Variants in CDA observed in about 807,000 individuals in gnomAD.
CDA encodes the protein cytidine aminohydrolase.
In CDA, 7 loss-of-function variants were observed where a neutral mutation model predicts 15.0. That is an observed-to-expected ratio of 0.47 (90% CI 0.26 to 0.87). The LOEUF (loss-of-function observed/expected upper bound fraction) is 0.87. Ranked by LOEUF, CDA falls within the 40% of genes least tolerant of loss-of-function variation. The pLI is 0.15. For missense variants in CDA, 159 were observed against 182.7 expected (o/e 0.87, Z 0.75); for synonymous variants, 58 against 73.0 (o/e 0.79, Z 1.05).
At chr1:20,590,562 C>T (rs1419557185) in intron 1 of CDA, among the ~76,000 whole-genome samples, 4 of 152,146 alleles carry the variant, frequency 2.6e-5, no homozygotes, top group Non-Finnish European at 5.9e-5. Context: ...TTCCAGATGG[C>T]ACAGAAAGGG....
intron 3 of CDA, among the ~76,000 whole-genome samples, chr1:20,615,551 C>T (rs1395840236): frequency 2.0e-5 from 3 of 151,328 alleles, no homozygotes; most frequent in African/African-American, 7.3e-5. Context: ...TTAATCCAGG[C>T]TCAGGGGAAG....
At chr1:20,617,199 C>T (rs1166984767) in intron 3 of CDA, among the ~76,000 whole-genome samples, 1 of 152,180 alleles carries the variant, frequency 6.6e-6, no homozygotes, top group Non-Finnish European at 1.5e-5. Flanking sequence ...TTATCATTTT[C>T]CCAAGGTCAC....
In CDA at chr1:20,589,151, T is replaced by C. The variant is rs771435542; in HGVS notation, c.22T>C (p.Cys8Arg). 1.9e-5 allele frequency: 30 copies of C among 1,614,050 alleles called. No homozygotes were observed. The highest frequency in any genetic ancestry group is 2.5e-5 in the Non-Finnish European group (30 of 1,180,050). The change falls in exon 1 of 4, where the codon TGC (cysteine) becomes CGC (arginine). Residue 8 changes from cysteine to arginine, a missense_variant. Cys to Arg is a radical substitution (Grantham distance 180). Transcript: ENST00000375071. MAQKRPA[C>R]TLKPECVQQL... ...CAACATGGCCCAGAAGCGTCCTGCC[T>C]GCACCCTGAAGCCTGAGTGTGTCCA...
intron 1 of CDA, among the ~76,000 whole-genome samples, chr1:20,596,756 C>CTTTT (rs61288769): frequency 5.9e-5 from 6 of 101,122 alleles, no homozygotes; most frequent in African/African-American, 7.4e-5. Flanking sequence ...CTGTTGATGT[C>CTTTT]TTTTTTTTTT....
At chr1:20,594,118 A>C (rs2052571382) in intron 1 of CDA, among the ~76,000 whole-genome samples, 2 of 152,222 alleles carry the variant, frequency 1.3e-5, no homozygotes, top group Non-Finnish European at 2.9e-5. Context: ...CCAGCTAAAC[A>C]CAAGACCGGC....
intron 2 of CDA, among the ~76,000 whole-genome samples, chr1:20,605,673 A>ATT (rs1212197999): frequency 9.0e-5 from 10 of 111,274 alleles, no homozygotes; most frequent in African/African-American, 3.2e-4. Context: ...AAAAAAAAAA[A>ATT]TTTTTTTTTG....
rs143851445 is a variant in CDA, at chr1:20,598,576, G to A, written c.155-6352G>A. On this transcript the variant is annotated intron_variant, in intron 1 of 3. Coordinates refer to ENST00000375071, the MANE Select transcript of CDA (RefSeq NM_001785.3). ...ACATTTATTTCTCACAGTTCTGGAG[G>A]CTGGGAAGTCCAAGATTCAGTTCTT... Among the ~76,000 whole-genome samples, 4 of 152,358 alleles carry A rather than the reference G, an allele frequency of 2.6e-5. No homozygotes were observed. The East Asian group carries it at 7.7e-4, about 29-fold the overall frequency.
intron 1 of CDA, among the ~76,000 whole-genome samples, chr1:20,602,463 G>A (rs142370511): frequency 0.024 from 3,583 of 151,556 alleles, 142 homozygotes; most frequent in African/African-American, 0.082. Context: ...TCACTCTGTC[G>A]CCCAGGCTGG....
intron 1 of CDA, among the ~76,000 whole-genome samples, chr1:20,589,674 A>G (rs919000099): frequency 6.6e-6 from 1 of 152,166 alleles, no homozygotes; most frequent in Non-Finnish European, 1.5e-5. Flanking sequence ...CACTGACCTA[A>G]GTGTTAATGC....
intron 3 of CDA, among the ~76,000 whole-genome samples, chr1:20,616,127 G>A (rs1231346235): frequency 2.6e-5 from 4 of 152,164 alleles, no homozygotes; most frequent in Non-Finnish European, 5.9e-5. Context: ...TTACTGAAGG[G>A]CCCCCTGCCA....
chr1:20,605,192 G>C (rs1370359940), intron 2 of CDA, among the ~76,000 whole-genome samples, 153 bp downstream of exon 2: 1 of 152,144 alleles, frequency 6.6e-6, no homozygotes, highest in African/African-American at 2.4e-5. Context: ...GATGAGTGCT[G>C]AGGATAAGGA....
At chr1:20,609,163 T>C (rs181436122) in intron 2 of CDA, among the ~76,000 whole-genome samples, 1 of 152,212 alleles carries the variant, frequency 6.6e-6, no homozygotes, top group African/African-American at 2.4e-5. Flanking sequence ...GAGCTAGCCA[T>C]TGGGTAGTGG....
At chr1:20,602,533 T>A (rs2052654403) in intron 1 of CDA, among the ~76,000 whole-genome samples, 1 of 152,240 alleles carries the variant, frequency 6.6e-6, no homozygotes, top group South Asian at 2.1e-4. Flanking sequence ...AAGCAATTCT[T>A]CTGCCTCAGA....
chr1:20,602,671 T>C (rs546692), intron 1 of CDA, among the ~76,000 whole-genome samples: 53,945 of 151,980 alleles, frequency 0.35, 9,896 homozygotes, highest in Middle Eastern at 0.46. Context: ...CCGCCCGCTT[T>C]GGCCTCCCAA....
Position 20,613,877 on chromosome 1 carries a change from C to A in CDA, c.302C>A (p.Ala101Asp). Residue 101 changes from alanine to aspartate, a missense_variant, in exon 3 of 4, where the codon GCC (alanine) becomes GAC (aspartate). Physicochemically the swap from Ala to Asp is moderately radical, Grantham distance 126. Transcript: ENST00000375071. ...MQDDFISPCG[A>D]CRQVMREFGT... ...GATGATTTTATCTCTCCATGTGGGGCCTGCAGGCAAGTCATGAGAGAGGTA... is the reference window on the plus strand; with the variant it reads ...GATGATTTTATCTCTCCATGTGGGGACTGCAGGCAAGTCATGAGAGAGGTA... The A allele has an allele frequency of 6.2e-7, 1 of 1,613,956 alleles. No homozygotes were observed. The highest frequency in any genetic ancestry group is 1.1e-5 in the South Asian group (1 of 91,078).
chr1:20,593,071 C>A (rs542676230), intron 1 of CDA, among the ~76,000 whole-genome samples: 1 of 152,046 alleles, frequency 6.6e-6, no homozygotes, highest in East Asian at 1.9e-4. Flanking sequence ...ATCAGCTGGG[C>A]GACAGAATGA....
At chr1:20,590,292 G>C (rs934863783) in intron 1 of CDA, among the ~76,000 whole-genome samples, 3 of 152,216 alleles carry the variant, frequency 2.0e-5, no homozygotes, top group Non-Finnish European at 4.4e-5. Flanking sequence ...GAAAGTTTCA[G>C]AGCTCAAAAT....
In CDA at chr1:20,602,895, G is replaced by T. The variant is rs370948983; in HGVS notation, c.155-2033G>T. The stretch of plus-strand genomic sequence containing the variant: ...GCCAACTCTGGCATTTTCCTAACTG[G>T]CTCCCATGCCTGGCCCATTCCTGCT... On this transcript the variant is annotated intron_variant, in intron 1 of 3. Transcript: ENST00000375071. Among the ~76,000 whole-genome samples the T allele has an allele frequency of 2.2e-4, 34 of 152,298 alleles. No homozygotes were observed. The South Asian group carries it at 6.6e-3, about 30-fold the overall frequency.
chr1:20,601,429 A>C (rs1207926778), intron 1 of CDA, among the ~76,000 whole-genome samples: 3 of 152,226 alleles, frequency 2.0e-5, no homozygotes, highest in Admixed American at 6.5e-5. Flanking sequence ...AAAATGTAAG[A>C]GGTGTTAAGT....
Sources: gnomAD v4.1 joint callset for allele counts (sites outside exome capture counted in the v4.1 genomes callset) on GRCh38, gnomAD v4.1.1 for gene constraint, MANE v1.5 for transcripts, NCBI Gene and HGNC (gene_info 2026-07-23, HGNC 2026-07-21) for gene names.